The following SYNE1 variants were observed in gnomAD, a reference collection of about 807,000 sequenced individuals.
SYNE1 encodes nesprin-1.
Under a neutral mutation model 1,111.0 loss-of-function variants are expected in SYNE1, and 616 were observed. The observed-to-expected ratio is 0.55, with a 90% confidence interval of 0.52 to 0.59. SYNE1 has a LOEUF of 0.59. SYNE1 is among the 20% of genes least tolerant of loss of function. SYNE1 has a pLI of 0.00. For synonymous variants in SYNE1, 3,855 were observed against 3,825.8 expected, an observed-to-expected ratio of 1.01 and a Z score of -0.28; for missense variants, 10,006 against 10,417.0, an observed-to-expected ratio of 0.96 and a Z score of 1.72.
chr6:152,324,269 G>C (rs2095979194), intron 81 of SYNE1, among the ~76,000 whole-genome samples: 1 of 151,970 alleles, frequency 6.6e-6, no homozygotes, highest in African/African-American at 2.4e-5. Context: ...TGTGGTGGCG[G>C]GTGCCTGTAA....
Position 152,539,965 on chromosome 6 carries a change from C to A in SYNE1, c.124G>T (p.Ala42Ser). 1 of 1,613,858 alleles carries A rather than the reference C, an allele frequency of 6.2e-7. No homozygotes were observed. The highest frequency in any genetic ancestry group is 1.1e-5 in the South Asian group (1 of 91,072). The stretch of plus-strand genomic sequence containing the variant: ...TGCTGGGTAGTTTCCTTTACCTTGG[C>A]CAGATGAGAGTTGATCCATTTTGTG... ...TFTKWINSHL[A>S]KRKPPMVVDD... Residue 42 changes from alanine (A) to serine (S), a missense_variant, in exon 4 of 146, where the codon GCC becomes TCC. By Grantham distance (99) the Ala-to-Ser change is moderately conservative (BLOSUM62 1). This residue lies in a region of SYNE1 where 1,971 missense variants were observed against 2,084.1 expected (regional missense o/e 0.95). Transcript: ENST00000367255.
At position 152,141,278 on chromosome 6, in the gene SYNE1, C is replaced by G. The variant is rs776109498; in HGVS notation, c.25171G>C (p.Glu8391Gln). The G allele has an allele frequency of 6.2e-7, 1 of 1,614,170 alleles. No individual in the cohort carries two copies. Among genetic ancestry groups the G allele is most frequent in the Admixed American group, 1.7e-5 (1 of 60,030 alleles). Residue 8391 changes from glutamate to glutamine, a missense_variant, in exon 139 of 146, where the codon GAG (glutamate) becomes CAG (glutamine). Around this residue, in one of 7 missense-constraint regions of SYNE1, gnomAD observed 761 missense variants for 795.5 expected, o/e 0.96. Transcript: ENST00000367255. ...SSSIDSVKRL[E>Q]HKLKEEEESL... ...TCCTCTTCCTCCTTCAGTTTGTGCTCCAGTCTCTTCACGGAGTCTATACTG... is the reference window on the plus strand; with the variant it reads ...TCCTCTTCCTCCTTCAGTTTGTGCTGCAGTCTCTTCACGGAGTCTATACTG...
rs146899502 is a variant in SYNE1 at position 152,376,272 on chromosome 6, G to A, written c.9324+109C>T. ...TGCTGTGCGGCCTGGTTCCTAACAG[G>A]CCAGGGACCTGTACCAGTCCGCGGC... On this transcript the variant is annotated intron_variant, in intron 58 of 145. Coordinates refer to ENST00000367255, the MANE Select transcript of SYNE1 (RefSeq NM_182961.4). The A allele has an allele frequency of 9.5e-5, 116 of 1,221,620 alleles. No individual in the cohort carries two copies. In the African/African-American group the frequency reaches 1.6e-3, roughly 17 times the overall value. The allele number at this position is 1,221,620 out of a possible 1,614,324, so 75.7% of individuals were successfully genotyped here.
intron 11 of SYNE1, among the ~76,000 whole-genome samples, chr6:152,497,164 T>C (rs2099004288): frequency 6.6e-6 from 1 of 152,228 alleles, no homozygotes; most frequent in Non-Finnish European, 1.5e-5. Context: ...ATGGACACGT[T>C]TGACACTCCT....
chr6:152,326,524 C>A lies in SYNE1; in HGVS notation c.15065G>T (p.Gly5022Val). 3 of 1,614,202 alleles carry A rather than the reference C, an allele frequency of 1.9e-6. No individual in the cohort carries two copies. Among genetic ancestry groups the A allele is most frequent in the Non-Finnish European group, 2.5e-6 (3 of 1,180,040 alleles). The part of the protein sequence containing the change: ...AQELLQLAGN[G>V]LDVESAEENL... ...TTCCTCTGCGCTCTCCACGTCTAGG[C>A]CATTGCCTGCCAGCTGTAACAATTC... The change falls in exon 79 of 146, where the codon GGC becomes GTC. Residue 5022 changes from glycine (G) to valine (V), a missense_variant. Physicochemically the swap from Gly to Val is moderately radical, Grantham distance 109. Around this residue, in one of 7 missense-constraint regions of SYNE1, gnomAD observed 4,955 missense variants for 5,017.2 expected, o/e 0.99. Transcript: ENST00000367255.
intron 72 of SYNE1, among the ~76,000 whole-genome samples, chr6:152,349,213 G>A (rs753120318): frequency 1.1e-4 from 17 of 152,310 alleles, no homozygotes; most frequent in Admixed American, 3.3e-4. Flanking sequence ...CGTCTATCAC[G>A]TGGTAAACAC....
At chr6:152,215,105 A>C (rs900011262) in intron 121 of SYNE1, 45 bp from the exon 122 acceptor site, 1 of 1,610,606 alleles carries the variant, frequency 6.2e-7, no homozygotes, top group African/African-American at 1.3e-5. Context: ...TGGTCAAAAA[A>C]GTCAAAACTT....
In SYNE1 at chr6:152,193,930, A is replaced by G. The variant is rs375657797; in HGVS notation, c.23146-4523T>C. 6.9e-3 allele frequency among the ~76,000 whole-genome samples: 1,046 copies of G among 151,398 alleles called. 1 individual carries two copies. Among genetic ancestry groups the G allele is most frequent in the African/African-American group, 0.012 (477 of 41,268 alleles). ...CAGGAGGCTGAGGCAGGAGAATGGCATGAACCCAGGAGGCAGAGCTTGCAG... is the reference window on the plus strand; with the variant it reads ...CAGGAGGCTGAGGCAGGAGAATGGCGTGAACCCAGGAGGCAGAGCTTGCAG... On this transcript the variant is annotated intron_variant, in intron 127 of 145. Transcript: ENST00000367255.
chr6:152,356,003 ATAT>A (rs1022675183), intron 66 of SYNE1, among the ~76,000 whole-genome samples: 62 of 152,350 alleles, frequency 4.1e-4, no homozygotes, highest in Middle Eastern at 3.4e-3. Context: ...ACATGGTAAA[ATAT>A]TAATCAAATT....
In SYNE1 at chr6:152,208,174, C is replaced by T. The variant is rs755607678; in HGVS notation, c.22622G>A (p.Ser7541Asn). ...GCGAATCACTCCCTGCCATTGATTA[C>T]TGAGGAGTGTCAATTTCAGGTTGAA... ...DEFNLKLTLL[S>N]NQWQGVIRRA... The change falls in exon 125 of 146, where the codon AGT (serine) becomes AAT (asparagine). Residue 7541 changes from serine (S) to asparagine (N), a missense_variant. This residue lies in a region of SYNE1 where 2,182 missense variants were observed against 2,287.8 expected (regional missense o/e 0.95). Transcript: ENST00000367255. The T allele has an allele frequency of 2.5e-6, 4 of 1,614,020 alleles. No homozygotes were observed. In the South Asian group the frequency reaches 4.4e-5, roughly 18 times the overall value.
At chr6:152,339,424 C>G in intron 74 of SYNE1, 58 bp from the exon 75 acceptor site, 2 of 1,601,582 alleles carry the variant, frequency 1.2e-6, no homozygotes, top group South Asian at 2.2e-5. Context: ...ATAGCAAATA[C>G]TTGTATCATT....
intron 59 of SYNE1, among the ~76,000 whole-genome samples, chr6:152,372,362 C>G (rs571540846): frequency 6.6e-6 from 1 of 152,282 alleles, no homozygotes; most frequent in East Asian, 1.9e-4. Context: ...TTATCTTTTT[C>G]CAACCTTCAT....
At chr6:152,123,994 G>A (rs2052415881) in intron 145 of SYNE1, among the ~76,000 whole-genome samples, 1 of 152,134 alleles carries the variant, frequency 6.6e-6, no homozygotes, top group Non-Finnish European at 1.5e-5. Flanking sequence ...GGGAACAGAG[G>A]GAGTATTCAA....
rs114908625 is a variant in SYNE1 at position 152,629,696 on chromosome 6, G to A, written c.-223-1142C>T. Among the ~76,000 whole-genome samples, 1,508 of 152,192 alleles carry A rather than the reference G, an allele frequency of 9.9e-3. 21 individuals are homozygous for A. Among genetic ancestry groups the A allele is most frequent in the African/African-American group, 0.035 (1,447 of 41,516 alleles). On this transcript the variant is annotated intron_variant, in intron 2 of 145. Coordinates refer to ENST00000367255, the MANE Select transcript of SYNE1 (RefSeq NM_182961.4). ...CATAAACGAAATAATTAGACAGAAA[G>A]AAGAGGGGGTGAATAATGCACCAAG...
chr6:152,369,561 G>A lies in SYNE1; in HGVS notation c.9561C>T (p.Asp3187=). ...CCATCTTCTCAGTTTTACTCAGCCA[G>A]TCCTGGATAGGCTCAGCACTTACTT... is the stretch of plus-strand genomic sequence containing the variant. The part of the protein sequence containing the change: ...DFEVSAEPIQ[D]WLSKTEKMVH... The change falls in exon 60 of 146, where the codon GAC becomes GAT. Residue 3187 remains aspartate (D), a synonymous_variant. Transcript: ENST00000367255. 2 of 1,614,184 alleles carry A rather than the reference G, an allele frequency of 1.2e-6. No individual in the cohort carries two copies. Among genetic ancestry groups the A allele is most frequent in the South Asian group, 1.1e-5 (1 of 91,074 alleles).
At chr6:152,551,443 G>A (rs12173486) in intron 3 of SYNE1, among the ~76,000 whole-genome samples, 22,968 of 152,074 alleles carry the variant, frequency 0.15, 2,227 homozygotes, top group Non-Finnish European at 0.21. Context: ...CTAATTTAAT[G>A]AATTCCACTG....
At chr6:152,154,811 A>G (rs1586373543) in intron 133 of SYNE1, 81 bp downstream of exon 133, 1 of 1,488,826 alleles carries the variant, frequency 6.7e-7, no homozygotes, top group African/African-American at 1.4e-5. Context: ...GTGAACAGCT[A>G]GTTTAGGTCT....
At chr6:152,361,158 A>G (rs1250018188) in intron 64 of SYNE1, among the ~76,000 whole-genome samples, 1 of 152,232 alleles carries the variant, frequency 6.6e-6, no homozygotes, top group Non-Finnish European at 1.5e-5. Flanking sequence ...AGATTATGCA[A>G]AGACACAGAA....
intron 105 of SYNE1, among the ~76,000 whole-genome samples, chr6:152,247,803 AAAG>A (rs1234292744): frequency 1.4e-5 from 2 of 147,962 alleles, no homozygotes; most frequent in Non-Finnish European, 1.5e-5. Context: ...AAATAAATAA[AAAG>A]AAAAATGCAC....
Sources: allele counts gnomAD v4.1 joint callset (sites outside exome capture counted in the v4.1 genomes callset), GRCh38; gene constraint gnomAD v4.1.1; regional missense constraint gnomAD v4.1.1; transcripts MANE v1.5; gene names NCBI Gene and HGNC (gene_info 2026-07-23, HGNC 2026-07-21).